USP25: variants seen among roughly 807,000 people sequenced by gnomAD.
The protein encoded by USP25 is ubiquitin carboxyl-terminal hydrolase 25.
A neutral mutation model predicts 158.5 loss-of-function variants in USP25; 85 were observed. That is an observed-to-expected ratio of 0.54 (90% CI 0.45 to 0.64). USP25 has a LOEUF of 0.64. Among genes scored for constraint, USP25 ranks in the 30% least tolerant of loss-of-function variants. The probability of loss-of-function intolerance (pLI) is 0.00; values close to 1 mark genes in which losing one functional copy is unlikely to be tolerated. For synonymous variants in USP25, 464 were observed against 460.4 expected (o/e 1.01, Z -0.10); for missense variants, 1,242 against 1,327.3 (o/e 0.94, Z 1.00).
At chr21:15,769,453 T>C (rs1033977186) in intron 3 of USP25, among the ~76,000 whole-genome samples, 6 of 152,218 alleles carry the variant, frequency 3.9e-5, no homozygotes, top group African/African-American at 1.2e-4. Flanking sequence ...CTAGGTAACA[T>C]TTTTTATTAT....
chr21:15,873,122 ATT>A (rs1354404594), intron 23 of USP25, among the ~76,000 whole-genome samples: 1 of 151,416 alleles, frequency 6.6e-6, no homozygotes, highest in African/African-American at 2.4e-5. Context: ...TTTGTTTTGT[ATT>A]TTTGAGTTGG....
chr21:15,734,159 C>G (rs539497169), intron 1 of USP25, among the ~76,000 whole-genome samples: 1 of 152,144 alleles, frequency 6.6e-6, no homozygotes. Context: ...TCTAACAGAT[C>G]TACAGTCAAC....
At chr21:15,870,035 C>G (rs1276247078) in intron 22 of USP25, 33 bp from the exon 23 acceptor site, 2 of 1,508,468 alleles carry the variant, frequency 1.3e-6, no homozygotes, top group Non-Finnish European at 1.8e-6. Context: ...AAATCTTACT[C>G]TGAACATTTT....
intron 10 of USP25, among the ~76,000 whole-genome samples, chr21:15,822,464 AC>A (rs1037518033): frequency 3.9e-5 from 6 of 151,970 alleles, no homozygotes; most frequent in African/African-American, 1.4e-4. Flanking sequence ...AGAAAAGTGT[AC>A]CCCAGTTTGG....
chr21:15,831,650 G>A (rs1405581842), intron 16 of USP25, 21 bp downstream of exon 16: 1 of 1,598,198 alleles, frequency 6.3e-7, no homozygotes, highest in South Asian at 1.1e-5. Context: ...ATAGGGTGGT[G>A]TGTATTTTTA....
chr21:15,782,776 G>A (rs141674527), intron 4 of USP25, among the ~76,000 whole-genome samples: 4 of 152,196 alleles, frequency 2.6e-5, no homozygotes, highest in East Asian at 1.9e-4. Context: ...AAAGCTGCTC[G>A]TTAAAATTGG....
chr21:15,736,567 T>C (rs2123175942), intron 1 of USP25, among the ~76,000 whole-genome samples: 1 of 152,096 alleles, frequency 6.6e-6, no homozygotes, highest in East Asian at 1.9e-4. Flanking sequence ...CCCACCCTTG[T>C]CTTTAACGTT....
At chr21:15,806,018 G>C (rs78534606) in intron 7 of USP25, among the ~76,000 whole-genome samples, 12,258 of 152,178 alleles carry the variant, frequency 0.081, 547 homozygotes, top group East Asian at 0.099. Context: ...TGTGCTTTTT[G>C]TTTCTGCTTT....
chr21:15,867,653 TAG>T, intron 22 of USP25, among the ~76,000 whole-genome samples: 1 of 152,274 alleles, frequency 6.6e-6, no homozygotes, highest in East Asian at 1.9e-4. Context: ...GTATTAGAAC[TAG>T]TAAGACAGCT....
intron 17 of USP25, 143 bp downstream of exon 17, chr21:15,833,691 C>T (rs2146401553): frequency 1.3e-6 from 1 of 762,114 alleles, no homozygotes; most frequent in Non-Finnish European, 2.1e-6. Context: ...CAGATTATCA[C>T]AGTTAACAAT....
intron 21 of USP25, among the ~76,000 whole-genome samples, chr21:15,864,819 C>T (rs2039586390): frequency 6.6e-6 from 1 of 152,094 alleles, no homozygotes. Flanking sequence ...TATCCCTCAT[C>T]TCTTCGTTAG....
intron 1 of USP25, among the ~76,000 whole-genome samples, chr21:15,756,324 G>C (rs966060079): frequency 2.6e-5 from 4 of 152,152 alleles, no homozygotes; most frequent in Admixed American, 2.6e-4. Flanking sequence ...GGAGAATGTT[G>C]GAGAGAGACC....
chr21:15,746,454 C>T lies in USP25; in HGVS notation c.45+16016C>T, dbSNP rs142860884. Among the ~76,000 whole-genome samples, 201 of 151,804 alleles carry T rather than the reference C, an allele frequency of 1.3e-3. 1 individual carries two copies. Among genetic ancestry groups the T allele is most frequent in the African/African-American group, 4.3e-3 (177 of 41,394 alleles). On this transcript the variant is annotated intron_variant, in intron 1 of 25. Transcript: ENST00000400183. Reference sequence around the variant, plus strand: ...ATTTTTATTTTTATTTTTTTTGAGACGCAGTCTCACTTTCACTGCAACCGC... The same window carrying T: ...ATTTTTATTTTTATTTTTTTTGAGATGCAGTCTCACTTTCACTGCAACCGC...
chr21:15,847,339 A>G (rs566560106), intron 18 of USP25, among the ~76,000 whole-genome samples: 4 of 152,322 alleles, frequency 2.6e-5, no homozygotes, highest in African/African-American at 9.6e-5. Flanking sequence ...TCAGGGAAAA[A>G]TGTAATGATA....
At chr21:15,770,855 T>A (rs530942253) in intron 3 of USP25, among the ~76,000 whole-genome samples, 1 of 152,276 alleles carries the variant, frequency 6.6e-6, no homozygotes, top group Non-Finnish European at 1.5e-5. Flanking sequence ...AATAGGAACA[T>A]CTGAAGGAAG....
intron 18 of USP25, among the ~76,000 whole-genome samples, chr21:15,844,140 CCCATTGCATATGTA>C (rs1188722042): frequency 1.3e-5 from 2 of 151,992 alleles, no homozygotes; most frequent in Non-Finnish European, 2.9e-5. Flanking sequence ...CACAGTTAGC[CCCATTGCATATGTA>C]AATCCTGAAG....
intron 4 of USP25, among the ~76,000 whole-genome samples, chr21:15,780,793 C>T (rs899415065): frequency 2.6e-5 from 4 of 151,538 alleles, no homozygotes; most frequent in African/African-American, 9.7e-5. Context: ...ACTGAGGAAG[C>T]AGCTGTGAAG....
At chr21:15,876,773 A>G (rs2040114538) in intron 24 of USP25, 1 of 152,216 alleles carries the variant, frequency 6.6e-6, no homozygotes, top group Non-Finnish European at 1.5e-5. Context: ...TTCATGGCCA[A>G]GTTGGACTTA....
intron 7 of USP25, among the ~76,000 whole-genome samples, chr21:15,807,359 T>A (rs2036444534): frequency 6.6e-6 from 1 of 152,248 alleles, no homozygotes; most frequent in South Asian, 2.1e-4. Context: ...ACCTTATTTT[T>A]TGTTGGATGT....
Sources: gnomAD v4.1 joint callset for allele counts (sites outside exome capture counted in the v4.1 genomes callset) on GRCh38, gnomAD v4.1.1 for gene constraint, MANE v1.5 for transcripts, NCBI Gene and HGNC (gene_info 2026-07-23, HGNC 2026-07-21) for gene names.